ARHGAP15: variants seen among roughly 807,000 people sequenced by gnomAD.
The protein encoded by ARHGAP15 is rho GTPase-activating protein 15.
A neutral mutation model predicts 63.7 loss-of-function variants in ARHGAP15; 51 were observed. The ratio of observed to expected loss-of-function variants is 0.80; its 90% CI spans 0.64 to 1.01. The LOEUF (loss-of-function observed/expected upper bound fraction) is 1.01. Ranked by LOEUF, ARHGAP15 falls within the 50% of genes least tolerant of loss-of-function variation. The probability of loss-of-function intolerance (pLI) is 0.00; values close to 1 mark genes in which losing one functional copy is unlikely to be tolerated. For synonymous variants in ARHGAP15, 191 were observed against 193.8 expected, an observed-to-expected ratio of 0.99 and a Z score of 0.12; for missense variants, 560 against 564.6, an observed-to-expected ratio of 0.99 and a Z score of 0.08.
intron 6 of ARHGAP15, among the ~76,000 whole-genome samples, chr2:143,327,680 G>A (rs994041863): frequency 3.9e-5 from 6 of 152,030 alleles, no homozygotes; most frequent in Non-Finnish European, 8.8e-5. Flanking sequence ...GCAATACCAT[G>A]CAGGACATAG....
chr2:143,291,507 A>G (rs1050600692), intron 6 of ARHGAP15, among the ~76,000 whole-genome samples: 2 of 151,996 alleles, frequency 1.3e-5, no homozygotes, highest in Non-Finnish European at 1.5e-5. Context: ...TGATTGTTCA[A>G]AATCAAATGT....
intron 2 of ARHGAP15, among the ~76,000 whole-genome samples, chr2:143,157,965 T>C (rs1690147461): frequency 6.6e-6 from 1 of 151,838 alleles, no homozygotes; most frequent in South Asian, 2.1e-4. Flanking sequence ...GGCACATACA[T>C]GTAGTCTGTA....
chr2:143,634,964 A>G, intron 12 of ARHGAP15, among the ~76,000 whole-genome samples: 1 of 152,042 alleles, frequency 6.6e-6, no homozygotes, highest in East Asian at 1.9e-4. Context: ...GTGGCACCAG[A>G]AGAGCCAACT....
At chr2:143,565,173 C>G (rs1437483191) in intron 11 of ARHGAP15, among the ~76,000 whole-genome samples, 3 of 152,094 alleles carry the variant, frequency 2.0e-5, no homozygotes, top group Non-Finnish European at 2.9e-5. Flanking sequence ...AATATATTGC[C>G]TGGTAGCTGG....
intron 13 of ARHGAP15, among the ~76,000 whole-genome samples, chr2:143,767,573 C>A (rs2072962322): frequency 6.6e-6 from 1 of 152,148 alleles, no homozygotes; most frequent in Admixed American, 6.6e-5. Flanking sequence ...TAATTTTTTT[C>A]AGGCTACTAA....
At chr2:143,641,879 A>G (rs1680616176) in intron 12 of ARHGAP15, among the ~76,000 whole-genome samples, 2 of 152,114 alleles carry the variant, frequency 1.3e-5, no homozygotes, top group Admixed American at 1.3e-4. Flanking sequence ...ACATTTTCAG[A>G]GATATGCACC....
intron 12 of ARHGAP15, among the ~76,000 whole-genome samples, chr2:143,655,468 T>A (rs1681389019): frequency 6.6e-6 from 1 of 152,218 alleles, no homozygotes; most frequent in Non-Finnish European, 1.5e-5. Flanking sequence ...TTTCTCATCT[T>A]TAGAATGAAT....
chr2:143,606,638 A>G (rs1698044049), intron 11 of ARHGAP15: 1 of 152,224 alleles, frequency 6.6e-6, no homozygotes, highest in African/African-American at 2.4e-5. Flanking sequence ...GTCAGCTGGT[A>G]TATGAGACAT....
intron 1 of ARHGAP15, among the ~76,000 whole-genome samples, chr2:143,146,854 A>G (rs1157578169): frequency 6.6e-6 from 1 of 152,116 alleles, no homozygotes; most frequent in Non-Finnish European, 1.5e-5. Context: ...TTAGGGAAAG[A>G]CTAATAGATA....
At chr2:143,438,319 CAT>C (rs1262047080) in intron 8 of ARHGAP15, among the ~76,000 whole-genome samples, 4 of 151,974 alleles carry the variant, frequency 2.6e-5, no homozygotes, top group African/African-American at 4.8e-5. Flanking sequence ...TGTACGTGTA[CAT>C]ATATGTGTGC....
At chr2:143,552,556 A>G (rs1374352447) in intron 10 of ARHGAP15, among the ~76,000 whole-genome samples, 2 of 137,780 alleles carry the variant, frequency 1.5e-5, no homozygotes, top group African/African-American at 5.8e-5. Flanking sequence ...TCAGGAGAAA[A>G]AAAAGTCGGG....
At chr2:143,694,206 G>T (rs1204233476) in intron 12 of ARHGAP15, among the ~76,000 whole-genome samples, 1 of 152,114 alleles carries the variant, frequency 6.6e-6, no homozygotes, top group African/African-American at 2.4e-5. Context: ...AGAAAGGGGT[G>T]GGGGAGAAGA....
intron 6 of ARHGAP15, among the ~76,000 whole-genome samples, chr2:143,398,801 G>A (rs914336273): frequency 1.3e-5 from 2 of 150,564 alleles, no homozygotes; most frequent in Non-Finnish European, 3.0e-5. Flanking sequence ...ATGGTTTCTG[G>A]CATCTAATTA....
At chr2:143,617,471 C>T (rs1698493773) in intron 11 of ARHGAP15, among the ~76,000 whole-genome samples, 2 of 152,162 alleles carry the variant, frequency 1.3e-5, no homozygotes, top group Non-Finnish European at 2.9e-5. Context: ...GGTGTATAGG[C>T]AGTCAATTTC....
chr2:143,511,325 A>G (rs1224715206), intron 9 of ARHGAP15, among the ~76,000 whole-genome samples: 2 of 152,198 alleles, frequency 1.3e-5, no homozygotes, highest in African/African-American at 2.4e-5. Flanking sequence ...CAATCAATGT[A>G]TATCCTGCCA....
At position 143,509,757 on chromosome 2, in the gene ARHGAP15, C is replaced by T. The variant is rs143829591; in HGVS notation, c.827-9509C>T. Among the ~76,000 whole-genome samples, 943 of 152,040 alleles carry T rather than the reference C, an allele frequency of 6.2e-3. 13 individuals carry two copies. Among genetic ancestry groups the T allele is most frequent in the African/African-American group, 0.022 (895 of 41,494 alleles). On this transcript the variant is annotated intron_variant, in intron 9 of 13. Coordinates refer to ENST00000295095, the MANE Select transcript of ARHGAP15 (RefSeq NM_018460.4). ...GAGAGTAGAGGCTGGGCATGGTGGT[C>T]CACACCTATAATTCCAGCACCTTGG...
At chr2:143,463,026 T>C (rs1691027540) in intron 8 of ARHGAP15, among the ~76,000 whole-genome samples, 2 of 152,148 alleles carry the variant, frequency 1.3e-5, no homozygotes, top group South Asian at 2.1e-4. Context: ...TGGCTTTGAA[T>C]GCAGCCCAAC....
intron 1 of ARHGAP15, among the ~76,000 whole-genome samples, chr2:143,141,882 G>A (rs1689384589): frequency 6.6e-6 from 1 of 152,104 alleles, no homozygotes; most frequent in Non-Finnish European, 1.5e-5. Context: ...ACGAGCCACA[G>A]TCGGGAATGC....
intron 3 of ARHGAP15, among the ~76,000 whole-genome samples, chr2:143,204,739 C>T (rs1692257923): frequency 6.6e-6 from 1 of 152,098 alleles, no homozygotes; most frequent in Non-Finnish European, 1.5e-5. Context: ...AGTCTCACCT[C>T]TCCCTTTCTT....
Sources: allele counts gnomAD v4.1 joint callset (sites outside exome capture counted in the v4.1 genomes callset), GRCh38; gene constraint gnomAD v4.1.1; transcripts MANE v1.5; gene names NCBI Gene and HGNC (gene_info 2026-07-23, HGNC 2026-07-21).